KCNH8: variants seen among roughly 807,000 people sequenced by gnomAD.
KCNH8 encodes voltage-gated delayed rectifier potassium channel KCNH8.
In KCNH8, 70 loss-of-function variants were observed where a neutral mutation model predicts 103.6. The ratio of observed to expected loss-of-function variants is 0.68; its 90% CI spans 0.56 to 0.82. The LOEUF (loss-of-function observed/expected upper bound fraction) is 0.82. Among genes scored for constraint, KCNH8 ranks in the 40% least tolerant of loss-of-function variants. KCNH8 has a pLI of 0.00. For missense variants in KCNH8, 1,217 were observed against 1,329.9 expected (o/e 0.92, Z 1.32); for synonymous variants, 498 against 489.4 (o/e 1.02, Z -0.23).
intron 1 of KCNH8, among the ~76,000 whole-genome samples, chr3:19,170,903 C>T (rs1275788159): frequency 2.0e-5 from 3 of 150,660 alleles, no homozygotes; most frequent in African/African-American, 7.3e-5. Context: ...GCTCCGCCTC[C>T]TGGGTTCAAG....
chr3:19,241,665 A>G (rs1352024802), intron 1 of KCNH8, among the ~76,000 whole-genome samples: 1 of 152,076 alleles, frequency 6.6e-6, no homozygotes, highest in Non-Finnish European at 1.5e-5. Flanking sequence ...TTGCCTTGGA[A>G]AAATGTGTGT....
At chr3:19,355,423 C>T (rs1258403330) in intron 5 of KCNH8, among the ~76,000 whole-genome samples, 5 of 152,180 alleles carry the variant, frequency 3.3e-5, no homozygotes, top group Non-Finnish European at 1.5e-5. Flanking sequence ...GCTATAAAGA[C>T]ACATGCACAC....
chr3:19,505,023 G>T (rs144343993), intron 11 of KCNH8, among the ~76,000 whole-genome samples: 1 of 148,382 alleles, frequency 6.7e-6, no homozygotes, highest in African/African-American at 2.5e-5. Flanking sequence ...TAATATATAT[G>T]TATGTGTATA....
intron 5 of KCNH8, among the ~76,000 whole-genome samples, chr3:19,353,653 T>C (rs989688533): frequency 6.6e-6 from 1 of 152,192 alleles, no homozygotes; most frequent in Non-Finnish European, 1.5e-5. Flanking sequence ...TCTCAATAGA[T>C]GCAGAAAAGG....
intron 1 of KCNH8, among the ~76,000 whole-genome samples, chr3:19,244,449 T>G (rs1199313506): frequency 6.6e-6 from 1 of 152,154 alleles, no homozygotes; most frequent in African/African-American, 2.4e-5. Context: ...TTGTTGTTGT[T>G]GTTATAATGA....
intron 1 of KCNH8, among the ~76,000 whole-genome samples, chr3:19,203,359 C>T (rs2063682932): frequency 6.6e-6 from 1 of 151,526 alleles, no homozygotes; most frequent in African/African-American, 2.4e-5. Flanking sequence ...GAATATTTGT[C>T]AAAGGAAATA....
intron 1 of KCNH8, among the ~76,000 whole-genome samples, chr3:19,172,829 C>T (rs1270606341): frequency 6.6e-6 from 1 of 152,130 alleles, no homozygotes; most frequent in Non-Finnish European, 1.5e-5. Flanking sequence ...TACCTTCCCC[C>T]TTCCCCCCAC....
intron 1 of KCNH8, among the ~76,000 whole-genome samples, chr3:19,179,204 A>G (rs1195486374): frequency 1.3e-5 from 2 of 151,988 alleles, no homozygotes; most frequent in Non-Finnish European, 2.9e-5. Flanking sequence ...AATGTTTATT[A>G]TTTGTTTCTC....
chr3:19,402,966 C>T (rs1212952668), intron 7 of KCNH8, among the ~76,000 whole-genome samples: 1 of 151,772 alleles, frequency 6.6e-6, no homozygotes, highest in Non-Finnish European at 1.5e-5. Flanking sequence ...AACCAAAAGT[C>T]AGGATTCTAT....
At chr3:19,221,515 A>AT (rs967738924) in intron 1 of KCNH8, among the ~76,000 whole-genome samples, 6 of 151,152 alleles carry the variant, frequency 4.0e-5, no homozygotes, top group African/African-American at 1.5e-4. Flanking sequence ...CACTTGGGTG[A>AT]TTTTTTTTCT....
At chr3:19,340,357 A>ATTTTTTTTTTTTTTTTT (rs33979047) in intron 3 of KCNH8, among the ~76,000 whole-genome samples, 1 of 143,942 alleles carries the variant, frequency 6.9e-6, no homozygotes, top group Non-Finnish European at 1.5e-5. Flanking sequence ...TTTTTTTTTA[A>ATTTTTTTTTTTTTTTTT]TTTTTTTTTT....
chr3:19,376,194 C>T (rs2066197429), intron 5 of KCNH8, among the ~76,000 whole-genome samples: 1 of 152,236 alleles, frequency 6.6e-6, no homozygotes, highest in Admixed American at 6.5e-5. Flanking sequence ...GCCCCTCCCC[C>T]AGCCTCGCTG....
chr3:19,469,267 C>A (rs1196473635), intron 11 of KCNH8, among the ~76,000 whole-genome samples: 1 of 152,148 alleles, frequency 6.6e-6, no homozygotes, highest in Non-Finnish European at 1.5e-5. Context: ...CAGTTGTGTA[C>A]TTTAAAATAC....
At chr3:19,432,487 A>G (rs1397596017) in intron 7 of KCNH8, among the ~76,000 whole-genome samples, 4 of 152,226 alleles carry the variant, frequency 2.6e-5, no homozygotes, top group Non-Finnish European at 1.5e-5. Flanking sequence ...TAGCATATCA[A>G]TAATAAAATA....
At chr3:19,355,422 A>T (rs2065866995) in intron 5 of KCNH8, among the ~76,000 whole-genome samples, 1 of 152,206 alleles carries the variant, frequency 6.6e-6, no homozygotes, top group African/African-American at 2.4e-5. Flanking sequence ...TGCTATAAAG[A>T]CACATGCACA....
chr3:19,293,639 G>GCGATT (rs1430484593), intron 3 of KCNH8, among the ~76,000 whole-genome samples: 3 of 152,168 alleles, frequency 2.0e-5, no homozygotes, highest in Admixed American at 6.5e-5. Flanking sequence ...TTCATCTTCA[G>GCGATT]CGATTCCGTT....
chr3:19,235,355 A>G (rs2064051035), intron 1 of KCNH8, among the ~76,000 whole-genome samples: 1 of 151,816 alleles, frequency 6.6e-6, no homozygotes, highest in Non-Finnish European at 1.5e-5. Flanking sequence ...GTTTATATAC[A>G]CAAAAATATG....
intron 1 of KCNH8, among the ~76,000 whole-genome samples, chr3:19,151,932 G>A (rs2063134109): frequency 6.6e-6 from 1 of 151,962 alleles, no homozygotes; most frequent in African/African-American, 2.4e-5. Flanking sequence ...TAACTGAAGT[G>A]TAGTAAGACT....
chr3:19,509,358 T>C (rs1386197257), intron 11 of KCNH8, among the ~76,000 whole-genome samples: 1 of 152,160 alleles, frequency 6.6e-6, no homozygotes, highest in Non-Finnish European at 1.5e-5. Context: ...ACTAGGCAGA[T>C]CATTTTCAAG....
Sources: gnomAD v4.1 joint callset for allele counts (sites outside exome capture counted in the v4.1 genomes callset) on GRCh38, gnomAD v4.1.1 for gene constraint, MANE v1.5 for transcripts, NCBI Gene and HGNC (gene_info 2026-07-23, HGNC 2026-07-21) for gene names.